CUL1: variants seen among roughly 807,000 people sequenced by gnomAD.
The protein encoded by CUL1 is cullin 1, also known as cullin-1.
In CUL1, 24 loss-of-function variants were observed where a neutral mutation model predicts 118.0. The observed-to-expected ratio is 0.20, with a 90% CI of 0.15 to 0.29. The LOEUF is 0.29. Ranked by LOEUF, CUL1 falls within the 10% of genes least tolerant of loss-of-function variation. CUL1 has a pLI of 1.00. For synonymous variants in CUL1, 332 were observed against 340.4 expected, an observed-to-expected ratio of 0.98 and a Z score of 0.27; for missense variants, 361 against 933.8, an observed-to-expected ratio of 0.39 and a Z score of 7.99.
chr7:148,756,638 A>AT (rs541646525), intron 3 of CUL1, among the ~76,000 whole-genome samples: 31 of 151,646 alleles, frequency 2.0e-4, no homozygotes, highest in Admixed American at 6.6e-4. Flanking sequence ...TACCCAGCCA[A>AT]TTTTTTTTTA....
At chr7:148,744,876 A>G (rs1003281527) in intron 2 of CUL1, among the ~76,000 whole-genome samples, 1 of 152,122 alleles carries the variant, frequency 6.6e-6, no homozygotes, top group African/African-American at 2.4e-5. Context: ...TAGAACTACA[A>G]TTACTTTTTT....
intron 1 of CUL1, among the ~76,000 whole-genome samples, chr7:148,713,573 A>ACT (rs1423384224): frequency 3.9e-5 from 6 of 152,104 alleles, no homozygotes; most frequent in Admixed American, 1.3e-4. Flanking sequence ...TCAAGTATCA[A>ACT]CTCTAAGAGA....
At chr7:148,704,729 T>C (rs948470372) in intron 1 of CUL1, among the ~76,000 whole-genome samples, 1 of 152,222 alleles carries the variant, frequency 6.6e-6, no homozygotes, top group African/African-American at 2.4e-5. Context: ...AGTATATGCA[T>C]TTTTTAAAAA....
intron 2 of CUL1, among the ~76,000 whole-genome samples, chr7:148,732,178 G>A (rs1798784111): frequency 6.6e-6 from 1 of 152,094 alleles, no homozygotes; most frequent in African/African-American, 2.4e-5. Flanking sequence ...AGCTGAAGGT[G>A]GTAGTTCCAC....
At position 148,797,884 on chromosome 7, in the gene CUL1, C is replaced by T. The variant is rs778521985; in HGVS notation, c.1947+25C>T. On this transcript the variant is annotated intron_variant, in intron 18 of 21. Coordinates refer to ENST00000325222, the MANE Select transcript of CUL1 (RefSeq NM_003592.3). ...GGTAGGTTTGCGCCCTTTTATCTTA[C>T]ACTAGAAGAAGCCTTTTCCTGAGAT... is the stretch of plus-strand genomic sequence containing the variant. 7.3e-5 allele frequency: 117 copies of T among 1,611,022 alleles called. 2 individuals are homozygous for T. The South Asian group carries it at 1.3e-3, about 17-fold the overall frequency.
intron 9 of CUL1, among the ~76,000 whole-genome samples, chr7:148,772,754 G>T (rs915855055): frequency 1.3e-5 from 2 of 152,204 alleles, no homozygotes; most frequent in South Asian, 2.1e-4. Flanking sequence ...GGTGGCAGCT[G>T]TGTAGCATGA....
intron 11 of CUL1, 136 bp downstream of exon 11, chr7:148,784,213 A>C (rs2129462616): frequency 2.8e-6 from 2 of 707,136 alleles, no homozygotes; most frequent in South Asian, 3.6e-5. Flanking sequence ...GCTTAAACAT[A>C]ATCGTCCTTG....
chr7:148,784,176 G>T, intron 11 of CUL1, 99 bp downstream of exon 11: 1 of 965,864 alleles, frequency 1.0e-6, no homozygotes, highest in Non-Finnish European at 1.6e-6. Context: ...ACATTAAATT[G>T]GAATTTTTGT....
intron 1 of CUL1, among the ~76,000 whole-genome samples, chr7:148,721,715 C>G (rs1205272956): frequency 2.7e-5 from 4 of 150,778 alleles, no homozygotes; most frequent in Non-Finnish European, 5.9e-5. Flanking sequence ...GTATATATTC[C>G]TTTGTCACCT....
intron 2 of CUL1, among the ~76,000 whole-genome samples, chr7:148,744,096 A>G (rs1242086938): frequency 1.3e-5 from 2 of 152,164 alleles, no homozygotes; most frequent in Non-Finnish European, 2.9e-5. Flanking sequence ...TAATGTTTGC[A>G]TGATAATCTT....
chr7:148,797,873 CT>C lies in CUL1; in HGVS notation c.1947+18del. The C allele has an allele frequency of 6.2e-7, 1 of 1,612,678 alleles. No homozygotes were observed. The highest frequency in any genetic ancestry group is 8.5e-7 in the Non-Finnish European group (1 of 1,179,160). ...TCGAAGCTATTGGTAGGTTTGCGCC[CT>C]TTTATCTTACACTAGAAGAAGCCTT... On this transcript the variant is annotated intron_variant, in intron 18 of 21. Coordinates refer to ENST00000325222, the MANE Select transcript of CUL1 (RefSeq NM_003592.3).
At chr7:148,719,454 C>G (rs745746846) in intron 1 of CUL1, among the ~76,000 whole-genome samples, 1 of 152,120 alleles carries the variant, frequency 6.6e-6, no homozygotes, top group Non-Finnish European at 1.5e-5. Flanking sequence ...TAGCATAAAT[C>G]TTATAAATAA....
chr7:148,745,739 C>T (rs1215617827), intron 2 of CUL1, among the ~76,000 whole-genome samples: 1 of 149,856 alleles, frequency 6.7e-6, no homozygotes, highest in Non-Finnish European at 1.5e-5. Flanking sequence ...GACTTAAAGA[C>T]ATGTACATAT....
intron 2 of CUL1, among the ~76,000 whole-genome samples, chr7:148,739,945 A>G (rs760211337): frequency 2.6e-4 from 40 of 152,128 alleles, no homozygotes; most frequent in Non-Finnish European, 5.4e-4. Flanking sequence ...TGGATATCCA[A>G]TTATTCCAGT....
At chr7:148,710,797 A>T (rs1798027474) in intron 1 of CUL1, among the ~76,000 whole-genome samples, 2 of 151,570 alleles carry the variant, frequency 1.3e-5, no homozygotes, top group Admixed American at 1.3e-4. Context: ...CCAAGTAGCT[A>T]GGATTAAAGG....
chr7:148,799,478 G>A, intron 21 of CUL1, 90 bp downstream of exon 21: 1 of 848,456 alleles, frequency 1.2e-6, no homozygotes, highest in Non-Finnish European at 1.9e-6. Flanking sequence ...GTAGCATGAA[G>A]GAGGAGGGAG....
intron 2 of CUL1, among the ~76,000 whole-genome samples, chr7:148,739,343 A>C (rs1229552012): frequency 6.6e-6 from 1 of 152,150 alleles, no homozygotes; most frequent in East Asian, 1.9e-4. Flanking sequence ...TGAAGCTAAG[A>C]CTGTGTGTCA....
At chr7:148,717,163 A>C (rs1048190058) in intron 1 of CUL1, among the ~76,000 whole-genome samples, 6 of 152,032 alleles carry the variant, frequency 3.9e-5, no homozygotes, top group Non-Finnish European at 8.8e-5. Context: ...GGGTTCCAGC[A>C]ATTCTGCCTC....
In CUL1 at chr7:148,783,806, A is replaced by G. The variant is rs766675341; in HGVS notation, c.1107A>G (p.Thr369=). ...ALNDPKMYVQ[T]VLDVHKKYNA... ...AGGACCCCAAAATGTATGTACAGAC[A>G]GTGCTTGATGTTCATAAAAAATACA... Residue 369 remains threonine (T), a synonymous_variant, in exon 10 of 22, where the codon ACA becomes ACG. Coordinates refer to ENST00000325222, the MANE Select transcript of CUL1 (RefSeq NM_003592.3). The G allele has an allele frequency of 6.2e-7, 1 of 1,614,122 alleles. No individual in the cohort carries two copies. Among genetic ancestry groups the G allele is most frequent in the Non-Finnish European group, 8.5e-7 (1 of 1,180,046 alleles).
Sources: gnomAD v4.1 joint callset for allele counts (sites outside exome capture counted in the v4.1 genomes callset) on GRCh38, gnomAD v4.1.1 for gene constraint, MANE v1.5 for transcripts, NCBI Gene and HGNC (gene_info 2026-07-23, HGNC 2026-07-21) for gene names.